SMYD2: variants seen among roughly 807,000 people sequenced by gnomAD.
SMYD2 encodes the protein SET and MYND domain containing 2.
SMYD2 carries 53 observed loss-of-function variants against 59.1 expected under a neutral mutation model. The ratio of observed to expected loss-of-function variants is 0.90; its 90% CI spans 0.72 to 1.13. The LOEUF is 1.13. Ranked by LOEUF, SMYD2 falls within the 50% of genes most tolerant of loss-of-function variation. SMYD2 has a pLI of 0.00. For missense variants in SMYD2, 494 were observed against 544.7 expected, an observed-to-expected ratio of 0.91 and a Z score of 0.93; for synonymous variants, 208 against 198.8, an observed-to-expected ratio of 1.05 and a Z score of -0.39.
In SMYD2 at chr1:214,312,878, C is replaced by A. The variant is rs1364165257; in HGVS notation, c.238-1884C>A. Reference sequence around the variant, plus strand: ...CTGATCCGAGTTTTGTCAACAGAATCCCTCAGGCTGCTCTCTGGAACCTAG... The same window carrying A: ...CTGATCCGAGTTTTGTCAACAGAATACCTCAGGCTGCTCTCTGGAACCTAG... On this transcript the variant is annotated intron_variant, in intron 2 of 11. Coordinates refer to ENST00000366957, the MANE Select transcript of SMYD2 (RefSeq NM_020197.3). This position sits in a 1 kb window ranked among gnomAD's most constrained non-coding sequence, Gnocchi z 4.1. Among the ~76,000 whole-genome samples, 1 of 152,204 alleles carries A rather than the reference C, an allele frequency of 6.6e-6. No homozygotes were observed. Among genetic ancestry groups the A allele is most frequent in the East Asian group, 1.9e-4 (1 of 5,188 alleles).
At chr1:214,310,578 G>T (rs1431019188) in intron 2 of SMYD2, among the ~76,000 whole-genome samples, 1 of 150,094 alleles carries the variant, frequency 6.7e-6, no homozygotes, top group Non-Finnish European at 1.5e-5. Flanking sequence ...CAGGGCAGGA[G>T]CACTAACTCG....
intron 1 of SMYD2, among the ~76,000 whole-genome samples, chr1:214,295,605 G>A (rs867878465): frequency 1.6e-4 from 24 of 152,200 alleles, no homozygotes; most frequent in Admixed American, 3.3e-4. Context: ...CTCCCCAAGA[G>A]GATGCGGGCT....
intron 1 of SMYD2, among the ~76,000 whole-genome samples, chr1:214,288,510 A>G (rs188872163): frequency 6.6e-6 from 1 of 152,234 alleles, no homozygotes; most frequent in Admixed American, 6.5e-5. Context: ...ACTTCACCCT[A>G]CATTACTACT....
intron 1 of SMYD2, among the ~76,000 whole-genome samples, chr1:214,288,356 A>G (rs1656583689): frequency 6.6e-6 from 1 of 152,194 alleles, no homozygotes. Context: ...TCTGAATTTC[A>G]CACCTTTTTT....
intron 1 of SMYD2, among the ~76,000 whole-genome samples, chr1:214,304,395 C>CA (rs1245376748): frequency 1.3e-5 from 2 of 151,520 alleles, no homozygotes; most frequent in Admixed American, 6.6e-5. Context: ...CCCTTCTCTA[C>CA]AAAAAATACA....
intron 1 of SMYD2, among the ~76,000 whole-genome samples, chr1:214,284,137 A>G (rs1199447226): frequency 6.6e-6 from 1 of 152,056 alleles, no homozygotes; most frequent in Admixed American, 6.6e-5. Flanking sequence ...AATATTATAT[A>G]AAGTTTTTCC....
intron 11 of SMYD2, among the ~76,000 whole-genome samples, chr1:214,335,603 G>C (rs1657423253): frequency 6.6e-6 from 1 of 152,194 alleles, no homozygotes. Context: ...GAGTAATTTG[G>C]CTGAATACAA....
intron 1 of SMYD2, among the ~76,000 whole-genome samples, chr1:214,301,329 A>G (rs779141123): frequency 1.3e-5 from 2 of 152,200 alleles, no homozygotes; most frequent in Non-Finnish European, 1.5e-5. Flanking sequence ...TTGTCTTAAA[A>G]GTTGTGATGT....
At chr1:214,284,254 GTTTTTTTTTTT>G (rs34049644) in intron 1 of SMYD2, among the ~76,000 whole-genome samples, 1 of 90,364 alleles carries the variant, frequency 1.1e-5, no homozygotes, top group South Asian at 3.8e-4. Context: ...TTTTGGTGTG[GTTTTTTTTTTT>G]TTTTTTTTTT....
In SMYD2 at chr1:214,327,630, T is replaced by G. The variant is rs1345640203; in HGVS notation, c.611T>G (p.Leu204Trp). 6.2e-7 allele frequency: 1 copy of G among 1,614,118 alleles called. No homozygotes were observed. Among genetic ancestry groups the G allele is most frequent in the Admixed American group, 1.7e-5 (1 of 60,026 alleles). The change falls in exon 7 of 12, where the codon TTG (leucine) becomes TGG (tryptophan). Residue 204 changes from leucine to tryptophan, a missense_variant. Leu to Trp is a moderately conservative substitution (Grantham distance 61, BLOSUM62 -2). Coordinates refer to ENST00000366957, the MANE Select transcript of SMYD2 (RefSeq NM_020197.3). ...LGSAIFPDVALMNHSCCPNVI... is the reference protein window; with the variant it reads ...LGSAIFPDVAWMNHSCCPNVI... ...TCTCTTCTGACTGACAGTGTTGCAT[T>G]GATGAATCATAGCTGTTGCCCCAAT...
Position 214,332,187 on chromosome 1 carries a change from C to T in SMYD2, c.1107C>T (p.Pro369=). Reference sequence around the variant, plus strand: ...AATATGGACAGAAAATCATTAAGCCCTACAGGTGATTGCAGAGGCTGTTCT... The same window carrying T: ...AATATGGACAGAAAATCATTAAGCCTTACAGGTGATTGCAGAGGCTGTTCT... The part of the protein sequence containing the change: ...ALQYGQKIIK[P]YSKHYPLYSL... Residue 369 remains proline, a synonymous_variant, in exon 10 of 12, where the codon CCC becomes CCT. Coordinates refer to ENST00000366957, the MANE Select transcript of SMYD2 (RefSeq NM_020197.3). The T allele has an allele frequency of 6.2e-7, 1 of 1,613,930 alleles. No individual in the cohort carries two copies.
chr1:214,325,346 G>T (rs6540822), intron 6 of SMYD2, among the ~76,000 whole-genome samples: 1 of 152,188 alleles, frequency 6.6e-6, no homozygotes, highest in Non-Finnish European at 1.5e-5. Flanking sequence ...GTCTCATGGA[G>T]TGAGTATTTC....
intron 6 of SMYD2, 86 bp from the exon 7 acceptor site, chr1:214,327,536 C>T (rs1339094069): frequency 9.2e-7 from 1 of 1,091,256 alleles, no homozygotes; most frequent in Non-Finnish European, 1.4e-6. Context: ...GATTCAGTTC[C>T]TCTGACTTAG....
At chr1:214,297,606 C>A (rs1656755642) in intron 1 of SMYD2, among the ~76,000 whole-genome samples, 1 of 152,132 alleles carries the variant, frequency 6.6e-6, no homozygotes, top group South Asian at 2.1e-4. Flanking sequence ...ACCAGCTCAG[C>A]AAGTTTTAGT....
At chr1:214,297,499 TTC>T (rs1656753958) in intron 1 of SMYD2, among the ~76,000 whole-genome samples, 1 of 152,174 alleles carries the variant, frequency 6.6e-6, no homozygotes. Context: ...CATATGAAGT[TTC>T]TCTCTGGCTG....
rs371305512 is a variant in SMYD2, at chr1:214,327,678, C to T, written c.659C>T (p.Thr220Ile). 1 of 1,613,970 alleles carries T rather than the reference C, an allele frequency of 6.2e-7. No individual in the cohort carries two copies. The highest frequency in any genetic ancestry group is 1.3e-5 in the African/African-American group (1 of 74,906). The stretch of plus-strand genomic sequence containing the variant: ...AATGTCATTGTGACCTACAAAGGGA[C>T]CCTGGCAGAAGTCAGAGCTGTACAG... ...CPNVIVTYKG[T>I]LAEVRAVQEI... Residue 220 changes from threonine (T) to isoleucine (I), a missense_variant, in exon 7 of 12, where the codon ACC becomes ATC. Physicochemically the swap from Thr to Ile is moderately conservative, Grantham distance 89. Transcript: ENST00000366957.
intron 1 of SMYD2, among the ~76,000 whole-genome samples, chr1:214,289,706 C>T (rs1405245939): frequency 6.6e-6 from 1 of 152,210 alleles, no homozygotes; most frequent in Non-Finnish European, 1.5e-5. Context: ...CCTGATTTTA[C>T]TTGGCAGATT....
chr1:214,315,553 G>A (rs952994376), intron 3 of SMYD2, among the ~76,000 whole-genome samples: 3 of 152,174 alleles, frequency 2.0e-5, no homozygotes, highest in Non-Finnish European at 4.4e-5. Context: ...GCAAACTTAC[G>A]CTCAAAGAGT....
chr1:214,320,331 G>T (rs1179760474), intron 5 of SMYD2, among the ~76,000 whole-genome samples: 6 of 152,202 alleles, frequency 3.9e-5, no homozygotes. Flanking sequence ...GTTCACAGTT[G>T]TCTTCCGAGT....
Sources: allele counts gnomAD v4.1 joint callset (sites outside exome capture counted in the v4.1 genomes callset), GRCh38; gene constraint gnomAD v4.1.1; non-coding constraint Gnocchi (gnomAD v3.1); transcripts MANE v1.5; gene names NCBI Gene and HGNC (gene_info 2026-07-23, HGNC 2026-07-21).